The following KIF3B variants were observed in gnomAD, a reference collection of about 807,000 sequenced individuals.
KIF3B encodes the protein kinesin-like protein KIF3B.
In KIF3B, 38 loss-of-function variants were observed where a neutral mutation model predicts 74.3. The observed-to-expected ratio is 0.51, with a 90% CI of 0.39 to 0.67. The LOEUF (loss-of-function observed/expected upper bound fraction) is 0.67. Ranked by LOEUF, KIF3B falls within the 30% of genes least tolerant of loss-of-function variation. The probability of loss-of-function intolerance (pLI) is 0.00; values close to 1 mark genes in which losing one functional copy is unlikely to be tolerated. For missense variants in KIF3B, 649 were observed against 932.0 expected (o/e 0.70, Z 3.95); for synonymous variants, 326 against 342.5 (o/e 0.95, Z 0.53).
intron 1 of KIF3B, among the ~76,000 whole-genome samples, chr20:32,302,335 C>G (rs2047748184): frequency 6.6e-6 from 1 of 152,126 alleles, no homozygotes; most frequent in African/African-American, 2.4e-5. Context: ...GTTCTGTGTT[C>G]AGAGTTGAGG....
At chr20:32,292,614 C>T (rs961267298) in intron 1 of KIF3B, among the ~76,000 whole-genome samples, 11 of 144,408 alleles carry the variant, frequency 7.6e-5, no homozygotes, top group Admixed American at 2.8e-4. Flanking sequence ...AAAGAAAAGT[C>T]GGGTCCAGTG....
chr20:32,330,615 T>C (rs2047925630), intron 8 of KIF3B, among the ~76,000 whole-genome samples: 1 of 152,240 alleles, frequency 6.6e-6, no homozygotes, highest in South Asian at 2.1e-4. Flanking sequence ...CTAAGTGCTT[T>C]ACAAACATTC....
chr20:32,307,539 A>C (rs1306964645), intron 1 of KIF3B, among the ~76,000 whole-genome samples: 1 of 152,214 alleles, frequency 6.6e-6, no homozygotes, highest in East Asian at 1.9e-4. Context: ...AATTCTTAGC[A>C]GTACAATTGC....
chr20:32,282,571 A>G (rs2047647995), intron 1 of KIF3B, among the ~76,000 whole-genome samples: 1 of 152,008 alleles, frequency 6.6e-6, no homozygotes, highest in African/African-American at 2.4e-5. Flanking sequence ...CTGCTTTTCT[A>G]CAGTCTGGCT....
At chr20:32,278,564 AC>A (rs2047627184) in intron 1 of KIF3B, among the ~76,000 whole-genome samples, 1 of 151,888 alleles carries the variant, frequency 6.6e-6, no homozygotes, top group Non-Finnish European at 1.5e-5. Flanking sequence ...TGCAATGCCA[AC>A]CCCCAACCCC....
intron 1 of KIF3B, among the ~76,000 whole-genome samples, chr20:32,278,687 T>C (rs2047627663): frequency 6.6e-6 from 1 of 152,220 alleles, no homozygotes; most frequent in Non-Finnish European, 1.5e-5. Context: ...TCTCATTTTC[T>C]ACCTGGGCTT....
At chr20:32,292,583 G>GAAAAAAAA (rs71185398) in intron 1 of KIF3B, among the ~76,000 whole-genome samples, 80 of 71,782 alleles carry the variant, frequency 1.1e-3, no homozygotes, top group Non-Finnish European at 1.6e-3. Flanking sequence ...ACTAAAAATA[G>GAAAAAAAA]AAAAAAAAAA....
intron 1 of KIF3B, among the ~76,000 whole-genome samples, chr20:32,298,189 A>G (rs1032824761): frequency 1.3e-5 from 2 of 152,018 alleles, no homozygotes; most frequent in African/African-American, 4.8e-5. Context: ...TAATCCCAGC[A>G]CTTTGGAAGT....
intron 1 of KIF3B, among the ~76,000 whole-genome samples, chr20:32,301,566 G>A (rs1057338052): frequency 8.6e-5 from 13 of 151,354 alleles, no homozygotes; most frequent in South Asian, 4.2e-4. Flanking sequence ...TAGTAAAGAC[G>A]GGGTCTCACC....
At chr20:32,287,743 C>T (rs1274602717) in intron 1 of KIF3B, among the ~76,000 whole-genome samples, 1 of 152,124 alleles carries the variant, frequency 6.6e-6, no homozygotes, top group East Asian at 1.9e-4. Context: ...ATGTGTTATA[C>T]AGAATATCTC....
At chr20:32,289,947 G>A (rs1209323128) in intron 1 of KIF3B, among the ~76,000 whole-genome samples, 1 of 152,050 alleles carries the variant, frequency 6.6e-6, no homozygotes, top group Non-Finnish European at 1.5e-5. Flanking sequence ...TGCAAATTGG[G>A]TCAGGGCAGA....
chr20:32,281,731 C>A (rs1008285063), intron 1 of KIF3B, among the ~76,000 whole-genome samples: 2 of 152,008 alleles, frequency 1.3e-5, no homozygotes, highest in African/African-American at 4.8e-5. Context: ...AGAAAAAAAA[C>A]CCAACAAACA....
intron 3 of KIF3B, 91 bp from the exon 4 acceptor site, chr20:32,316,436 C>A: frequency 6.3e-7 from 1 of 1,582,422 alleles, no homozygotes; most frequent in South Asian, 1.1e-5. Context: ...GTGTCTGCCT[C>A]ATCCTAGCTG....
At chr20:32,313,249 TGC>T (rs1555896072) in intron 2 of KIF3B, among the ~76,000 whole-genome samples, 35 of 152,150 alleles carry the variant, frequency 2.3e-4, no homozygotes, top group Non-Finnish European at 4.1e-4. Flanking sequence ...CAGAGGAGAG[TGC>T]AAAGGTAGAC....
intron 1 of KIF3B, among the ~76,000 whole-genome samples, chr20:32,304,328 C>T (rs2047758827): frequency 6.6e-6 from 1 of 152,202 alleles, no homozygotes; most frequent in Non-Finnish European, 1.5e-5. Context: ...CTTCTCCCAC[C>T]ATGGGAGAAT....
chr20:32,281,122 A>T lies in KIF3B; in HGVS notation c.-66+3357A>T, dbSNP rs181076084. On this transcript the variant is annotated intron_variant, in intron 1 of 8. Coordinates refer to ENST00000375712, the MANE Select transcript of KIF3B (RefSeq NM_004798.4). ...AGAGTAGCAATACTTGACAATAACA[A>T]TAAGGTGCCTAATGGCTTACAAAAA... Among the ~76,000 whole-genome samples, 9 of 152,308 alleles carry T rather than the reference A, an allele frequency of 5.9e-5. No homozygotes were observed. The East Asian group carries it at 1.7e-3, about 29-fold the overall frequency.
chr20:32,283,032 T>G lies in KIF3B; in HGVS notation c.-66+5267T>G, dbSNP rs1471639306. Among the ~76,000 whole-genome samples, 16 of 152,266 alleles carry G rather than the reference T, an allele frequency of 1.1e-4. No individual in the cohort carries two copies. In the South Asian group the frequency reaches 3.3e-3, roughly 32 times the overall value. ...ACTGCCACTTGTTTATTTAATTAAA[T>G]TTAATAAATTTATTCATTTTGGAGA... On this transcript the variant is annotated intron_variant, in intron 1 of 8. Coordinates refer to ENST00000375712, the MANE Select transcript of KIF3B (RefSeq NM_004798.4).
chr20:32,307,697 C>T (rs985883176), intron 1 of KIF3B, among the ~76,000 whole-genome samples: 12 of 151,484 alleles, frequency 7.9e-5, no homozygotes, highest in South Asian at 2.1e-4. Context: ...TTTGGGAGGC[C>T]GAGGTGGGTG....
intron 1 of KIF3B, among the ~76,000 whole-genome samples, chr20:32,283,343 A>G (rs1277551699): frequency 6.6e-6 from 1 of 151,984 alleles, no homozygotes; most frequent in Non-Finnish European, 1.5e-5. Context: ...TTCTTTACTA[A>G]GAATACAAAA....
Sources: allele counts gnomAD v4.1 joint callset (sites outside exome capture counted in the v4.1 genomes callset), GRCh38; gene constraint gnomAD v4.1.1; transcripts MANE v1.5; gene names NCBI Gene and HGNC (gene_info 2026-07-23, HGNC 2026-07-21).